The following COLEC12 variants were observed in gnomAD, a reference collection of about 807,000 sequenced individuals.
COLEC12 encodes collectin subfamily member 12, also known as collectin-12.
A neutral mutation model predicts 71.1 loss-of-function variants in COLEC12; 33 were observed. The ratio of observed to expected loss-of-function variants is 0.46; its 90% CI spans 0.35 to 0.62. The LOEUF (loss-of-function observed/expected upper bound fraction) is 0.62. Ranked by LOEUF, COLEC12 falls within the 20% of genes least tolerant of loss-of-function variation. The pLI is 0.00. For missense variants in COLEC12, 765 were observed against 916.1 expected, an observed-to-expected ratio of 0.84 and a Z score of 2.13; for synonymous variants, 350 against 353.0, an observed-to-expected ratio of 0.99 and a Z score of 0.10.
intron 2 of COLEC12, among the ~76,000 whole-genome samples, chr18:467,771 C>T (rs530402410): frequency 3.3e-5 from 5 of 151,986 alleles, no homozygotes; most frequent in Middle Eastern, 3.2e-3. Flanking sequence ...TAGAGTTATA[C>T]GAAAACAACT....
intron 8 of COLEC12, among the ~76,000 whole-genome samples, chr18:331,043 C>A (rs1459833469): frequency 2.0e-5 from 3 of 150,626 alleles, no homozygotes; most frequent in African/African-American, 7.3e-5. Flanking sequence ...CCATATCCGG[C>A]TAATTTTTGT....
At chr18:368,282 A>G (rs541508156) in intron 2 of COLEC12, among the ~76,000 whole-genome samples, 1 of 152,348 alleles carries the variant, frequency 6.6e-6, no homozygotes, top group African/African-American at 2.4e-5. Context: ...CTAAAGCAAA[A>G]TTCAAAATCA....
chr18:465,102 A>G (rs1917059794), intron 2 of COLEC12, among the ~76,000 whole-genome samples: 1 of 152,152 alleles, frequency 6.6e-6, no homozygotes, highest in Admixed American at 6.6e-5. Flanking sequence ...CAAAATTGTT[A>G]ATTATGTTTT....
At chr18:369,401 T>TTTTTTTTTA (rs1358372510) in intron 2 of COLEC12, among the ~76,000 whole-genome samples, 2 of 132,400 alleles carry the variant, frequency 1.5e-5, no homozygotes, top group Non-Finnish European at 3.1e-5. Flanking sequence ...TTTTTTATTT[T>TTTTTTTTTA]TTTTTATTTT....
At chr18:366,215 G>A (rs1009115597) in intron 2 of COLEC12, among the ~76,000 whole-genome samples, 3 of 152,190 alleles carry the variant, frequency 2.0e-5, no homozygotes, top group Non-Finnish European at 4.4e-5. Context: ...AGCACTGAGC[G>A]AAGGGCATGT....
At chr18:349,134 C>T (rs1914450458) in intron 3 of COLEC12, among the ~76,000 whole-genome samples, 1 of 152,236 alleles carries the variant, frequency 6.6e-6, no homozygotes, top group African/African-American at 2.4e-5. Flanking sequence ...CAGAGCCTTC[C>T]TGGCAGCCCT....
In COLEC12 at chr18:485,294, G is replaced by A. The variant is rs1285586151; in HGVS notation, c.8-4537C>T. 2.6e-5 allele frequency among the ~76,000 whole-genome samples: 4 copies of A among 152,324 alleles called. No homozygotes were observed. In the East Asian group the frequency reaches 7.7e-4, roughly 29 times the overall value. ...TACTTCCCAATGTCTATCTCTGACAGTCATAGCCACACAACTGCCACACTC... is the reference window on the plus strand; with the variant it reads ...TACTTCCCAATGTCTATCTCTGACAATCATAGCCACACAACTGCCACACTC... On this transcript the variant is annotated intron_variant, in intron 1 of 9. Transcript: ENST00000400256.
intron 2 of COLEC12, among the ~76,000 whole-genome samples, chr18:396,744 G>A (rs768240239): frequency 6.6e-6 from 1 of 152,216 alleles, no homozygotes; most frequent in Non-Finnish European, 1.5e-5. Flanking sequence ...AGCCGCCTTG[G>A]CAAGAGCTCA....
chr18:466,076 TA>T (rs1189101227), intron 2 of COLEC12, among the ~76,000 whole-genome samples: 1 of 149,952 alleles, frequency 6.7e-6, no homozygotes, highest in Non-Finnish European at 1.5e-5. Flanking sequence ...TCAAAAAAAA[TA>T]AAAAATAAAA....
chr18:405,133 C>A (rs1239936180), intron 2 of COLEC12, among the ~76,000 whole-genome samples: 1 of 152,092 alleles, frequency 6.6e-6, no homozygotes, highest in Non-Finnish European at 1.5e-5. Flanking sequence ...TGTGGTCAGA[C>A]AAGTTCTCTG....
In COLEC12 at chr18:332,988, A is replaced by G. The variant is rs187492425; in HGVS notation, c.1953+19T>C. On this transcript the variant is annotated intron_variant, in intron 7 of 9. Coordinates refer to ENST00000400256, the MANE Select transcript of COLEC12 (RefSeq NM_130386.3). ...CCTTAAATTATAGTTTTCCCCAACC[A>G]AGTATGTGGCAGGCATACCTGTTCC... 7,174 of 1,545,158 alleles carry G rather than the reference A, an allele frequency of 4.6e-3. 26 individuals are homozygous for G. Among genetic ancestry groups the G allele is most frequent in the Non-Finnish European group, 5.4e-3 (6,165 of 1,149,170 alleles).
At chr18:493,807 C>T (rs1377372838) in intron 1 of COLEC12, among the ~76,000 whole-genome samples, 2 of 152,180 alleles carry the variant, frequency 1.3e-5, no homozygotes, top group Non-Finnish European at 2.9e-5. Flanking sequence ...ATAGACATGA[C>T]ATCATATGGT....
chr18:481,463 G>C (rs538881415), intron 1 of COLEC12, among the ~76,000 whole-genome samples: 33 of 152,210 alleles, frequency 2.2e-4, no homozygotes, highest in Non-Finnish European at 4.4e-4. Context: ...CCAGGACTTT[G>C]GGAGGCCAAG....
intron 3 of COLEC12, among the ~76,000 whole-genome samples, chr18:350,012 T>A (rs2143482248): frequency 6.6e-6 from 1 of 152,298 alleles, no homozygotes; most frequent in Non-Finnish European, 1.5e-5. Context: ...AATGCTGAAA[T>A]GAGTTAAAAC....
chr18:442,818 G>A (rs571796988), intron 2 of COLEC12, among the ~76,000 whole-genome samples: 13 of 152,182 alleles, frequency 8.5e-5, no homozygotes, highest in Non-Finnish European at 1.5e-4. Flanking sequence ...AAAATTGGTC[G>A]GGCGTGGCGG....
At chr18:341,406 C>G (rs575266108) in intron 5 of COLEC12, among the ~76,000 whole-genome samples, 1 of 152,172 alleles carries the variant, frequency 6.6e-6, no homozygotes, top group African/African-American at 2.4e-5. Flanking sequence ...TGCTTAGCAG[C>G]GTGATTGGCA....
intron 2 of COLEC12, among the ~76,000 whole-genome samples, chr18:463,326 C>T (rs935102987): frequency 4.6e-5 from 7 of 152,156 alleles, no homozygotes; most frequent in Non-Finnish European, 8.8e-5. Context: ...TACTGGCACA[C>T]GGGTGAAGCC....
intron 2 of COLEC12, among the ~76,000 whole-genome samples, chr18:477,377 T>A (rs1917325001): frequency 6.6e-6 from 1 of 152,216 alleles, no homozygotes; most frequent in African/African-American, 2.4e-5. Flanking sequence ...ATAACTGACC[T>A]CGGGCTCTTC....
chr18:478,289 G>T (rs1216143592), intron 2 of COLEC12, among the ~76,000 whole-genome samples: 5 of 152,164 alleles, frequency 3.3e-5, no homozygotes, highest in Non-Finnish European at 7.4e-5. Flanking sequence ...CTGGGCCTCA[G>T]CTCCCTTATA....
Sources: allele counts gnomAD v4.1 joint callset (sites outside exome capture counted in the v4.1 genomes callset), GRCh38; gene constraint gnomAD v4.1.1; transcripts MANE v1.5; gene names NCBI Gene and HGNC (gene_info 2026-07-23, HGNC 2026-07-21).